The following SAMTOR variants were observed in gnomAD, a reference collection of about 807,000 sequenced individuals.
SAMTOR encodes the protein UPF0532 protein C7orf60.
chr7:112,918,280 G>A, the SAMTOR span, among the ~76,000 whole-genome samples: 1 of 152,184 alleles, frequency 6.6e-6, no homozygotes, highest in African/African-American at 2.4e-5. Flanking sequence ...AGAAGAGAGT[G>A]GGGGCCTATA....
At chr7:112,939,320 C>T in the SAMTOR span, 4 of 523,400 alleles carry the variant, frequency 7.6e-6, no homozygotes, top group Non-Finnish European at 1.4e-5. Context: ...CTCAGCACCC[C>T]GGCTGGGGAC....
the SAMTOR span, among the ~76,000 whole-genome samples, chr7:112,882,840 G>A: frequency 6.7e-6 from 1 of 148,806 alleles, no homozygotes; most frequent in Non-Finnish European, 1.5e-5. Flanking sequence ...TGCTCACTAG[G>A]ATCACCTCCA....
At chr7:112,935,071 C>A in the SAMTOR span, 1 of 243,892 alleles carries the variant, frequency 4.1e-6, no homozygotes, top group Non-Finnish European at 8.2e-6. Context: ...CCTTCTGTGA[C>A]AACCTTCACC....
chr7:112,861,298 T>C, the SAMTOR span, among the ~76,000 whole-genome samples: 2 of 152,218 alleles, frequency 1.3e-5, no homozygotes, highest in Admixed American at 6.5e-5. Flanking sequence ...ATACATTTTA[T>C]ATTTCATAGA....
the SAMTOR span, among the ~76,000 whole-genome samples, chr7:112,896,717 T>G: frequency 2.0e-5 from 3 of 152,122 alleles, no homozygotes; most frequent in South Asian, 6.2e-4. Flanking sequence ...AGGACACAAA[T>G]AATTACTATA....
chr7:112,879,768 GC>G, the SAMTOR span, among the ~76,000 whole-genome samples: 1 of 152,120 alleles, frequency 6.6e-6, no homozygotes, highest in Non-Finnish European at 1.5e-5. Context: ...CATCTGCCAT[GC>G]CCATAAAATG....
At chr7:112,853,607 C>T in the SAMTOR span, among the ~76,000 whole-genome samples, 2 of 152,000 alleles carry the variant, frequency 1.3e-5, no homozygotes, top group East Asian at 1.9e-4. Flanking sequence ...GAAAACCTGG[C>T]AATATTTACC....
At chr7:112,939,387 G>A in the SAMTOR span, 3 of 708,158 alleles carry the variant, frequency 4.2e-6, no homozygotes, top group Non-Finnish European at 2.3e-6. Flanking sequence ...CTCTCCCGAA[G>A]GGCCCTCAAA....
At chr7:112,860,674 G>A in the SAMTOR span, among the ~76,000 whole-genome samples, 1 of 151,920 alleles carries the variant, frequency 6.6e-6, no homozygotes, top group Admixed American at 6.6e-5. Context: ...AGGCCGAGGC[G>A]GGTGGATCAC....
chr7:112,861,587 A>G, the SAMTOR span, among the ~76,000 whole-genome samples: 2 of 152,158 alleles, frequency 1.3e-5, no homozygotes, highest in African/African-American at 4.8e-5. Context: ...CTTTTCTCTA[A>G]AACAGTTGGT....
chr7:112,916,859 A>C, the SAMTOR span, among the ~76,000 whole-genome samples: 23 of 152,288 alleles, frequency 1.5e-4, no homozygotes, highest in African/African-American at 5.5e-4. Context: ...GCAGTCTGAG[A>C]TCAAACTGCA....
the SAMTOR span, among the ~76,000 whole-genome samples, chr7:112,846,016 G>C: frequency 6.6e-6 from 1 of 152,058 alleles, no homozygotes; most frequent in African/African-American, 2.4e-5. Flanking sequence ...AGAACACAAG[G>C]ACATAAAGAG....
At chr7:112,894,325 T>C in the SAMTOR span, among the ~76,000 whole-genome samples, 30 of 152,278 alleles carry the variant, frequency 2.0e-4, no homozygotes, top group African/African-American at 7.0e-4. Context: ...CTGTCTTATA[T>C]GGTGCCCCTA....
chr7:112,856,745 CA>C, the SAMTOR span, among the ~76,000 whole-genome samples: 2 of 152,132 alleles, frequency 1.3e-5, no homozygotes, highest in Non-Finnish European at 2.9e-5. Flanking sequence ...ATTTATTGTC[CA>C]AATGTATTTA....
chr7:112,874,805 AT>A, the SAMTOR span, among the ~76,000 whole-genome samples: 1 of 152,080 alleles, frequency 6.6e-6, no homozygotes, highest in African/African-American at 2.4e-5. Flanking sequence ...CTCAGCAAAT[AT>A]TTTTTTGAAT....
chr7:112,858,844 C>A, the SAMTOR span, among the ~76,000 whole-genome samples: 81 of 152,248 alleles, frequency 5.3e-4, 3 homozygotes, highest in East Asian at 0.012. Context: ...TGAAGCTGTA[C>A]TGATATTTAA....
chr7:112,858,668 T>A, the SAMTOR span, among the ~76,000 whole-genome samples: 10 of 152,190 alleles, frequency 6.6e-5, no homozygotes, highest in Non-Finnish European at 1.5e-4. Flanking sequence ...CTTGTGAAAG[T>A]GTATATACTT....
chr7:112,902,439 CA>C, the SAMTOR span, among the ~76,000 whole-genome samples: 230 of 81,502 alleles, frequency 2.8e-3, 25 homozygotes, highest in African/African-American at 0.011. Flanking sequence ...CAAAAAAAAA[CA>C]AAAAAAAACA....
At chr7:112,905,783 A>AATAT in the SAMTOR span, among the ~76,000 whole-genome samples, 26 of 151,856 alleles carry the variant, frequency 1.7e-4, no homozygotes, top group South Asian at 5.2e-3. Flanking sequence ...TAATATTAGA[A>AATAT]ATATATATAT....
Sources: gnomAD v4.1 joint callset for allele counts (sites outside exome capture counted in the v4.1 genomes callset) on GRCh38, gnomAD v4.1.1 for gene constraint, MANE v1.5 for transcripts, NCBI Gene and HGNC (gene_info 2026-07-23, HGNC 2026-07-21) for gene names.